Variants in PADI4 observed in about 807,000 individuals in gnomAD.
PADI4 encodes the protein protein-arginine deiminase type-4.
A neutral mutation model predicts 75.0 loss-of-function variants in PADI4; 62 were observed. That is an observed-to-expected ratio of 0.83 (90% confidence interval 0.67 to 1.02). PADI4 has a LOEUF of 1.02. PADI4 is among the 50% of genes least tolerant of loss of function. The pLI, the probability that PADI4 is intolerant of heterozygous loss-of-function variation, is 0.00. For synonymous variants in PADI4, 361 were observed against 348.1 expected, an observed-to-expected ratio of 1.04 and a Z score of -0.41; for missense variants, 845 against 850.5, an observed-to-expected ratio of 0.99 and a Z score of 0.08.
Position 17,350,918 on chromosome 1 carries a change from G to A in PADI4, c.1155+2870G>A, listed in dbSNP as rs1214254495. Among the ~76,000 whole-genome samples the A allele has an allele frequency of 1.6e-5, 2 of 127,714 alleles. 1 individual carries two copies. Among genetic ancestry groups the A allele is most frequent in the Non-Finnish European group, 3.5e-5 (2 of 56,482 alleles). 83.8% of individuals were successfully genotyped at this position (127,714 alleles called of 152,430 possible). ...AAGAGCTACAGGTGCCAGGTGTGGT[G>A]GCTCATACCTGTAATCCTAGCACTT... On this transcript the variant is annotated intron_variant, in intron 10 of 15. Transcript: ENST00000375448.
Position 17,358,580 on chromosome 1 carries a change from AT to A in PADI4, c.1559-257del, listed in dbSNP as rs1487387880. Among the ~76,000 whole-genome samples, 254 of 133,232 alleles carry A rather than the reference AT, an allele frequency of 1.9e-3. 102 individuals carry two copies. The highest frequency in any genetic ancestry group is 4.2e-3 in the African/African-American group (143 of 33,980). The allele number at this position is 133,232 out of a possible 152,430, so 87.4% of individuals were successfully genotyped here. ...GACTCCGTCTCAAAAAAAAAAAAAA[AT>A]AATAATAAAAATAAAAATATATTTT... On this transcript the variant is annotated intron_variant, in intron 13 of 15. Transcript: ENST00000375448.
chr1:17,345,495 C>A (rs997408683), intron 8 of PADI4, among the ~76,000 whole-genome samples: 2 of 152,156 alleles, frequency 1.3e-5, no homozygotes, highest in African/African-American at 2.4e-5. Flanking sequence ...TGTGTCCCCA[C>A]CCAAATCTCA....
chr1:17,310,028 C>T (rs568254640), intron 1 of PADI4, among the ~76,000 whole-genome samples: 18 of 152,260 alleles, frequency 1.2e-4, no homozygotes, highest in South Asian at 6.2e-4. Context: ...CCCATTTCTC[C>T]CAGAAAGGAT....
intron 11 of PADI4, among the ~76,000 whole-genome samples, chr1:17,355,480 C>T (rs956013518): frequency 3.4e-5 from 5 of 148,802 alleles, no homozygotes; most frequent in Admixed American, 6.8e-5. Flanking sequence ...TCCCGGGAGG[C>T]GGAGGTTGTA....
intron 10 of PADI4, among the ~76,000 whole-genome samples, chr1:17,352,076 AGGC>A (rs2074658939): frequency 1.5e-5 from 2 of 129,536 alleles, no homozygotes; most frequent in African/African-American, 6.1e-5. Context: ...GTGGGAAGAG[AGGC>A]AGTCAGGGAG....
In PADI4 at chr1:17,363,573, C is replaced by T; in HGVS notation, c.1810C>T (p.Pro604Ser). The T allele has an allele frequency of 6.2e-7, 1 of 1,614,062 alleles. No individual in the cohort carries two copies. The highest frequency in any genetic ancestry group is 1.1e-5 in the South Asian group (1 of 91,054). Reference sequence around the variant, plus strand: ...CCTGGGCATCCCCAAGCCCTTCGGGCCCGTCATCAACGGCCGCTGCTGCCT... The same window carrying T: ...CCTGGGCATCCCCAAGCCCTTCGGGTCCGTCATCAACGGCCGCTGCTGCCT... ...KHLGIPKPFG[P>S]VINGRCCLEE... Residue 604 changes from proline to serine, a missense_variant, in exon 16 of 16, where the codon CCC (proline) becomes TCC (serine). Transcript: ENST00000375448.
In PADI4 at chr1:17,358,906, G is replaced by A. The variant is rs535922742; in HGVS notation, c.1627G>A (p.Glu543Lys). The change falls in exon 14 of 16, where the codon GAG (glutamate) becomes AAG (lysine). Residue 543 changes from glutamate to lysine, a missense_variant and splice_region_variant. Physicochemically the swap from Glu to Lys is moderately conservative, Grantham distance 56. Transcript: ENST00000375448. ...ATTGAGAGAACATAATTCATTTGTGGAGGTAGGAGCCTGGGTGCCTACACC... is the reference window on the plus strand; with the variant it reads ...ATTGAGAGAACATAATTCATTTGTGAAGGTAGGAGCCTGGGTGCCTACACC... Reference protein sequence around the residue: ...KTLREHNSFVERCIDWNRELL... With the variant: ...KTLREHNSFVKRCIDWNRELL... 2.5e-6 allele frequency: 4 copies of A among 1,603,174 alleles called. No homozygotes were observed. The South Asian group carries it at 4.5e-5, about 18-fold the overall frequency.
At chr1:17,321,316 G>C (rs1227417749) in intron 1 of PADI4, among the ~76,000 whole-genome samples, 1 of 152,198 alleles carries the variant, frequency 6.6e-6, no homozygotes, top group Non-Finnish European at 1.5e-5. Flanking sequence ...AGCACAGGGA[G>C]AGCAGCACGG....
chr1:17,329,929 T>C (rs1384894671), intron 1 of PADI4, among the ~76,000 whole-genome samples: 1 of 152,216 alleles, frequency 6.6e-6, no homozygotes, highest in Non-Finnish European at 1.5e-5. Context: ...TTCTGGGAGA[T>C]GTACCTTATT....
rs576157391 is a variant in PADI4 at position 17,345,848 on chromosome 1, C to T, written c.936-180C>T. The stretch of plus-strand genomic sequence containing the variant: ...AAGGGGTACCCACTAGTTCCTGCCT[C>T]ATAACTTGTTAGATGGATTCCATGA... On this transcript the variant is annotated intron_variant, in intron 8 of 15. Coordinates refer to ENST00000375448, the MANE Select transcript of PADI4 (RefSeq NM_012387.3). 6.6e-5 allele frequency among the ~76,000 whole-genome samples: 10 copies of T among 152,236 alleles called. No individual in the cohort carries two copies. The East Asian group carries it at 1.9e-3, about 29-fold the overall frequency.
Position 17,331,061 on chromosome 1 carries a change from C to A in PADI4, c.185C>A (p.Ser62Tyr), listed in dbSNP as rs1183220061. The A allele has an allele frequency of 9.3e-6, 15 of 1,610,990 alleles. No homozygotes were observed. The highest frequency in any genetic ancestry group is 1.3e-5 in the Non-Finnish European group (15 of 1,178,596). The change falls in exon 2 of 16, where the codon TCC becomes TAC. Residue 62 changes from serine to tyrosine, a missense_variant. By Grantham distance (144) the Ser-to-Tyr change is moderately radical. Coordinates refer to ENST00000375448, the MANE Select transcript of PADI4 (RefSeq NM_012387.3). ...IAHGPPAKKK[S>Y]TGSSTWPLDP... The stretch of plus-strand genomic sequence containing the variant: ...CACGGCCCTCCAGCCAAGAAGAAAT[C>A]CACAGGTTCCTCCACATGGCCCCTG...
intron 8 of PADI4, among the ~76,000 whole-genome samples, chr1:17,343,765 T>A (rs747903899): frequency 6.6e-6 from 1 of 152,190 alleles, no homozygotes; most frequent in Non-Finnish European, 1.5e-5. Context: ...GCCGCCGCCA[T>A]GTAAGAAGTG....
intron 8 of PADI4, among the ~76,000 whole-genome samples, chr1:17,343,561 C>T (rs1016990202): frequency 6.6e-6 from 1 of 152,194 alleles, no homozygotes; most frequent in Non-Finnish European, 1.5e-5. Flanking sequence ...TGGTTTGGCT[C>T]TGTGTCTCCA....
At chr1:17,329,779 G>C (rs569080628) in intron 1 of PADI4, among the ~76,000 whole-genome samples, 1 of 152,108 alleles carries the variant, frequency 6.6e-6, no homozygotes, top group African/African-American at 2.4e-5. Context: ...GCTTCCAATC[G>C]AATTGTTATT....
chr1:17,313,521 AGGAAAGG>A (rs1326268673), intron 1 of PADI4, among the ~76,000 whole-genome samples: 20 of 145,344 alleles, frequency 1.4e-4, no homozygotes, highest in African/African-American at 4.6e-4. Flanking sequence ...AAAAAAAAAA[AGGAAAGG>A]AAGGAAAGAA....
rs912162202 is a variant in PADI4, at chr1:17,311,538, T to A, written c.92+3224T>A. On this transcript the variant is annotated intron_variant, in intron 1 of 15. Coordinates refer to ENST00000375448, the MANE Select transcript of PADI4 (RefSeq NM_012387.3). ...AGTCTCCTTCTTCTTTTTTTTTTTT[T>A]TAAAAACGGAGTCTCGCTCTGTCCA... 4.0e-5 allele frequency among the ~76,000 whole-genome samples: 6 copies of A among 151,448 alleles called. No homozygotes were observed. In the East Asian group the frequency reaches 9.7e-4, roughly 25 times the overall value.
chr1:17,348,180 A>G (rs779117349), intron 10 of PADI4, 132 bp downstream of exon 10: 20 of 541,904 alleles, frequency 3.7e-5, no homozygotes, highest in Non-Finnish European at 6.7e-5. Flanking sequence ...AATTCCTACC[A>G]AAGTGGGAGC....
intron 10 of PADI4, among the ~76,000 whole-genome samples, chr1:17,350,949 G>C (rs1160764937): frequency 7.9e-6 from 1 of 126,942 alleles, no homozygotes; most frequent in African/African-American, 2.5e-5. Context: ...CACTTTGGAA[G>C]GCCAAGGTGG....
intron 1 of PADI4, among the ~76,000 whole-genome samples, chr1:17,323,018 T>C (rs1164125167): frequency 6.6e-6 from 1 of 152,208 alleles, no homozygotes; most frequent in Non-Finnish European, 1.5e-5. Context: ...AGGTTTCTCA[T>C]AATCAAGGTA....
Sources: gnomAD v4.1 joint callset for allele counts (sites outside exome capture counted in the v4.1 genomes callset) on GRCh38, gnomAD v4.1.1 for gene constraint, MANE v1.5 for transcripts, NCBI Gene and HGNC (gene_info 2026-07-23, HGNC 2026-07-21) for gene names.